Variants in ZZEF1 observed in about 807,000 individuals in gnomAD.
The protein encoded by ZZEF1 is zinc finger ZZ-type and EF-hand domain containing 1, also known as zinc finger ZZ-type and EF-hand domain-containing protein 1.
In ZZEF1, 157 loss-of-function variants were observed where a neutral mutation model predicts 342.8. That is an observed-to-expected ratio of 0.46 (90% CI 0.40 to 0.52). The LOEUF is 0.52. Ranked by LOEUF, ZZEF1 falls within the 20% of genes least tolerant of loss-of-function variation. The probability of loss-of-function intolerance (pLI) is 0.00; values close to 1 mark genes in which losing one functional copy is unlikely to be tolerated. For missense variants in ZZEF1, 3,480 were observed against 3,725.6 expected, an observed-to-expected ratio of 0.93 and a Z score of 1.72; for synonymous variants, 1,505 against 1,429.1, an observed-to-expected ratio of 1.05 and a Z score of -1.20.
At chr17:4,122,083 T>C (rs759410522) in intron 2 of ZZEF1, among the ~76,000 whole-genome samples, 3 of 147,702 alleles carry the variant, frequency 2.0e-5, no homozygotes, top group Non-Finnish European at 4.5e-5. Flanking sequence ...CACTCAGCAG[T>C]GAGTAAGCTA....
intron 36 of ZZEF1, among the ~76,000 whole-genome samples, chr17:4,050,308 A>G (rs1156390380): frequency 6.6e-6 from 1 of 152,054 alleles, no homozygotes; most frequent in East Asian, 1.9e-4. Context: ...AGGAACTTAG[A>G]TGTCTCCAAG....
At chr17:4,036,776 TACACACAC>T (rs761229612) in intron 39 of ZZEF1, among the ~76,000 whole-genome samples, 26 of 99,954 alleles carry the variant, frequency 2.6e-4, no homozygotes, top group East Asian at 1.4e-3. Flanking sequence ...ATATATAGAA[TACACACAC>T]ACACACACAC....
chr17:4,007,802 AAAG>A lies in ZZEF1; in HGVS notation c.8806-835_8806-833del, dbSNP rs1453733600. On this transcript the variant is annotated intron_variant, in intron 54 of 54. Coordinates refer to ENST00000381638, the MANE Select transcript of ZZEF1 (RefSeq NM_015113.4). ...CGTACACGTCAAAGCCTACAACAGG[AAAG>A]AAGACCCTTTTCCTGCAAAAGGGCG... is the stretch of plus-strand genomic sequence containing the variant. Among the ~76,000 whole-genome samples, 15 of 152,184 alleles carry A rather than the reference AAAG, an allele frequency of 9.9e-5. No homozygotes were observed. In the South Asian group the frequency reaches 3.1e-3, roughly 32 times the overall value.
At chr17:4,123,193 T>C (rs1299548700) in intron 2 of ZZEF1, among the ~76,000 whole-genome samples, 2 of 147,584 alleles carry the variant, frequency 1.4e-5, no homozygotes, top group Non-Finnish European at 3.0e-5. Flanking sequence ...GTGCTGGGAT[T>C]ACAGGCGTAA....
intron 17 of ZZEF1, among the ~76,000 whole-genome samples, chr17:4,081,714 G>A (rs532396386): frequency 2.0e-4 from 30 of 152,308 alleles, no homozygotes; most frequent in African/African-American, 7.0e-4. Flanking sequence ...AGTCCTGGAT[G>A]AGACCCTGAG....
chr17:4,080,889 G>A (rs565516789), intron 18 of ZZEF1, among the ~76,000 whole-genome samples: 1 of 152,152 alleles, frequency 6.6e-6, no homozygotes, highest in East Asian at 1.9e-4. Flanking sequence ...GCCCTCACTC[G>A]TTTGCAAGGG....
intron 1 of ZZEF1, 94 bp downstream of exon 1, chr17:4,142,448 G>C: frequency 1.5e-6 from 2 of 1,340,438 alleles, no homozygotes; most frequent in Middle Eastern, 2.1e-4. Flanking sequence ...ATGGGTCCCC[G>C]CCTGGCCTCT....
In ZZEF1 at chr17:4,054,148, G is replaced by C; in HGVS notation, c.5343C>G (p.Ile1781Met). 1.9e-6 allele frequency: 3 copies of C among 1,613,980 alleles called. No individual in the cohort carries two copies. Among genetic ancestry groups the C allele is most frequent in the Non-Finnish European group, 2.5e-6 (3 of 1,179,936 alleles). ...CAATCTCATCACACCCATCACAAGA[G>C]ATGTCCACATTTAACAGGTCACAGT... is the stretch of plus-strand genomic sequence containing the variant. ...ARYCDLLNVD[I>M]SCDGCDEIAP... Residue 1781 changes from isoleucine (I) to methionine (M), a missense_variant, in exon 34 of 55, where the codon ATC becomes ATG. Around this residue, in one of 5 missense-constraint regions of ZZEF1, gnomAD observed 175 missense variants for 254.6 expected, o/e 0.69. Transcript: ENST00000381638.
At chr17:4,033,334 T>C (rs1024474017) in intron 40 of ZZEF1, 4 of 212,298 alleles carry the variant, frequency 1.9e-5, no homozygotes, top group African/African-American at 4.6e-5. Context: ...TCAGGGTGAC[T>C]TTTTTCCTTC....
chr17:4,129,389 G>C (rs952702956), intron 1 of ZZEF1, among the ~76,000 whole-genome samples: 1 of 152,180 alleles, frequency 6.6e-6, no homozygotes, highest in African/African-American at 2.4e-5. Context: ...TATATACCCA[G>C]AGGAAGAAAT....
In ZZEF1 at chr17:4,142,737, C is replaced by T. The variant is rs2058885952; in HGVS notation, c.159G>A (p.Pro53=). 1 of 1,530,016 alleles carries T rather than the reference C, an allele frequency of 6.5e-7. No individual in the cohort carries two copies. 94.8% of individuals were successfully genotyped at this position (1,530,016 alleles called of 1,614,324 possible). The change falls in exon 1 of 55, where the codon CCG becomes CCA. Residue 53 remains proline, a synonymous_variant. Transcript: ENST00000381638. ...ALPPAAALLE[P]ARLREAAAAL... ...CTGCAGCAGCCTCTCGCAGCCTGGC[C>T]GGCTCCAGCAGCGCCGCGGCGGGTG...
intron 1 of ZZEF1, among the ~76,000 whole-genome samples, chr17:4,137,396 G>A (rs534061191): frequency 7.9e-5 from 12 of 152,262 alleles, no homozygotes; most frequent in African/African-American, 2.9e-4. Flanking sequence ...GGATCACAAG[G>A]TCAGGAGATC....
At chr17:4,009,205 C>T in intron 53 of ZZEF1, 1 of 582,054 alleles carries the variant, frequency 1.7e-6, no homozygotes, top group Middle Eastern at 4.5e-4. Flanking sequence ...CCAGTTTCCT[C>T]ATGTGTGAAA....
chr17:4,076,657 G>T lies in ZZEF1; in HGVS notation c.3214C>A (p.Pro1072Thr). The T allele has an allele frequency of 6.2e-7, 1 of 1,611,816 alleles. No homozygotes were observed. Among genetic ancestry groups the T allele is most frequent in the Middle Eastern group, 1.7e-4 (1 of 5,784 alleles). Residue 1072 changes from proline (P) to threonine (T), a missense_variant, in exon 21 of 55, where the codon CCC becomes ACC. Coordinates refer to ENST00000381638, the MANE Select transcript of ZZEF1 (RefSeq NM_015113.4). ...TELLKKLCSG[P>T]EGGLRKLDVE... The stretch of plus-strand genomic sequence containing the variant: ...GTTACCTTCCTCAGTCCTCCTTCGG[G>T]GCCACTACAGAGCTTCTTCAGGAGT...
At chr17:4,117,223 C>T (rs931519084) in intron 2 of ZZEF1, 57 bp from the exon 3 acceptor site, 1 of 1,421,582 alleles carries the variant, frequency 7.0e-7, no homozygotes, top group Admixed American at 1.9e-5. Context: ...GTTTCCACAT[C>T]CCCTGCCTGG....
At chr17:4,051,891 T>A (rs1045090316) in intron 35 of ZZEF1, 80 bp downstream of exon 35, 9 of 1,477,192 alleles carry the variant, frequency 6.1e-6, no homozygotes, top group African/African-American at 1.4e-5. Flanking sequence ...AAAACTTTTT[T>A]AAAAAAAGAA....
Position 4,050,856 on chromosome 17 carries a change from T to A in ZZEF1, c.5788A>T (p.Ser1930Cys), listed in dbSNP as rs1281049571. The A allele has an allele frequency of 1.9e-6, 3 of 1,614,074 alleles. No homozygotes were observed. The highest frequency in any genetic ancestry group is 2.7e-5 in the African/African-American group (2 of 74,930). The change falls in exon 36 of 55, where the codon AGC becomes TGC. Residue 1930 changes from serine to cysteine, a missense_variant. Physicochemically the swap from Ser to Cys is moderately radical, Grantham distance 112. Transcript: ENST00000381638. ...TGGCTCCGCAGGGTGGTGGCACTGC[T>A]GCGCGTCTGGGGGTCCAGCTTCTCC... Reference protein sequence around the residue: ...DGEKLDPQTRSSATTLRSQCM... With the variant: ...DGEKLDPQTRCSATTLRSQCM...
At chr17:4,052,340 G>A (rs190866478) in intron 34 of ZZEF1, among the ~76,000 whole-genome samples, 1 of 152,286 alleles carries the variant, frequency 6.6e-6, no homozygotes, top group African/African-American at 2.4e-5. Flanking sequence ...AGAATTTCTC[G>A]GCAATGGTAC....
chr17:4,091,945 G>A (rs1396701169), intron 11 of ZZEF1, among the ~76,000 whole-genome samples: 1 of 151,644 alleles, frequency 6.6e-6, no homozygotes, highest in Admixed American at 6.6e-5. Context: ...GCGTGGTGGT[G>A]CATGCCTGTA....
Sources: allele counts gnomAD v4.1 joint callset (sites outside exome capture counted in the v4.1 genomes callset), GRCh38; gene constraint gnomAD v4.1.1; regional missense constraint gnomAD v4.1.1; transcripts MANE v1.5; gene names NCBI Gene and HGNC (gene_info 2026-07-23, HGNC 2026-07-21).